PTPRM: variants seen among roughly 807,000 people sequenced by gnomAD.
PTPRM encodes protein tyrosine phosphatase receptor type M, also known as receptor-type tyrosine-protein phosphatase mu.
PTPRM carries 47 observed loss-of-function variants against 186.7 expected under a neutral mutation model. The ratio of observed to expected loss-of-function variants is 0.25; its 90% CI spans 0.20 to 0.32. The LOEUF (loss-of-function observed/expected upper bound fraction) is 0.32, where lower values mean the gene tolerates loss of function less well. Ranked by LOEUF, PTPRM falls within the 10% of genes least tolerant of loss-of-function variation. PTPRM has a pLI of 1.00. For synonymous variants in PTPRM, 668 were observed against 674.9 expected, an observed-to-expected ratio of 0.99 and a Z score of 0.16; for missense variants, 1,494 against 1,865.0, an observed-to-expected ratio of 0.80 and a Z score of 3.66.
chr18:8,076,218 G>A (rs2089801970), intron 8 of PTPRM, among the ~76,000 whole-genome samples: 1 of 151,802 alleles, frequency 6.6e-6, no homozygotes, highest in South Asian at 2.1e-4. Flanking sequence ...TTAATAGATG[G>A]GACTGAGCTC....
At chr18:8,197,550 T>G (rs1442608123) in intron 14 of PTPRM, among the ~76,000 whole-genome samples, 2 of 152,208 alleles carry the variant, frequency 1.3e-5, no homozygotes, top group Non-Finnish European at 2.9e-5. Context: ...AGGAGTAGGC[T>G]TTTCTGTTTA....
At chr18:8,313,253 T>C (rs2095283028) in intron 20 of PTPRM, among the ~76,000 whole-genome samples, 1 of 152,332 alleles carries the variant, frequency 6.6e-6, no homozygotes, top group African/African-American at 2.4e-5. Context: ...ACATTGGAAG[T>C]GAAGTTTTGC....
intron 22 of PTPRM, among the ~76,000 whole-genome samples, chr18:8,319,546 G>A (rs1278820352): frequency 1.3e-5 from 2 of 152,212 alleles, no homozygotes; most frequent in African/African-American, 4.8e-5. Flanking sequence ...AGGGAACTGT[G>A]CTGGTTGCTG....
chr18:7,886,367 G>T (rs567312542), intron 2 of PTPRM, among the ~76,000 whole-genome samples: 1 of 152,214 alleles, frequency 6.6e-6, no homozygotes, highest in East Asian at 1.9e-4. Context: ...TTCTTTCTCT[G>T]CCCCTCTTTC....
intron 14 of PTPRM, among the ~76,000 whole-genome samples, chr18:8,238,576 C>A (rs1054311690): frequency 6.8e-6 from 1 of 147,946 alleles, no homozygotes; most frequent in Admixed American, 6.9e-5. Flanking sequence ...AATTCCCACT[C>A]TGTTAATTCC....
rs1312766819 is a variant in PTPRM at position 7,924,990 on chromosome 18, C to T, written c.548-1578C>T. ...TAGCCAAGTACCCATAAGTGTTCCC[C>T]ATCTTGGAAATGGAGAAAATATCTC... is the stretch of plus-strand genomic sequence containing the variant. On this transcript the variant is annotated intron_variant, in intron 4 of 32. Transcript: ENST00000580170. Among the ~76,000 whole-genome samples, 8 of 152,114 alleles carry T rather than the reference C, an allele frequency of 5.3e-5. No individual in the cohort carries two copies. In the East Asian group the frequency reaches 1.5e-3, roughly 29 times the overall value.
intron 2 of PTPRM, among the ~76,000 whole-genome samples, chr18:7,875,603 C>T (rs1320410579): frequency 6.6e-6 from 1 of 152,088 alleles, no homozygotes; most frequent in African/African-American, 2.4e-5. Context: ...GGATTACCGG[C>T]GTGAGCCTCT....
intron 3 of PTPRM, among the ~76,000 whole-genome samples, chr18:7,905,552 G>A (rs1018358097): frequency 1.3e-5 from 2 of 152,270 alleles, no homozygotes; most frequent in Admixed American, 1.3e-4. Context: ...CTTTCCTGGT[G>A]TCTCTGTCCT....
At chr18:8,295,609 A>G (rs1459610513) in intron 19 of PTPRM, among the ~76,000 whole-genome samples, 1 of 152,212 alleles carries the variant, frequency 6.6e-6, no homozygotes, top group African/African-American at 2.4e-5. Flanking sequence ...AAATAGCTTT[A>G]CTGAATCCTG....
At chr18:8,231,010 C>T (rs963442686) in intron 14 of PTPRM, among the ~76,000 whole-genome samples, 2 of 152,170 alleles carry the variant, frequency 1.3e-5, no homozygotes, top group African/African-American at 4.8e-5. Context: ...TAAGCACACA[C>T]GTAATTGTAG....
chr18:8,295,168 G>A (rs1472774121), intron 19 of PTPRM, among the ~76,000 whole-genome samples: 1 of 152,182 alleles, frequency 6.6e-6, no homozygotes, highest in African/African-American at 2.4e-5. Context: ...GCAGCACACA[G>A]GCAGGCAGAG....
intron 7 of PTPRM, among the ~76,000 whole-genome samples, chr18:7,976,437 C>G (rs1173484185): frequency 6.6e-6 from 1 of 152,124 alleles, no homozygotes; most frequent in Non-Finnish European, 1.5e-5. Flanking sequence ...AGAGTGAATC[C>G]TGATATCAAT....
intron 14 of PTPRM, among the ~76,000 whole-genome samples, chr18:8,160,695 G>A (rs957057089): frequency 1.3e-5 from 2 of 152,116 alleles, no homozygotes; most frequent in African/African-American, 2.4e-5. Flanking sequence ...CTAGACTTCC[G>A]TCTTCAGTGG....
intron 14 of PTPRM, among the ~76,000 whole-genome samples, chr18:8,210,255 GA>G: frequency 6.6e-6 from 1 of 152,224 alleles, no homozygotes; most frequent in Non-Finnish European, 1.5e-5. Flanking sequence ...AGTTTGCCAT[GA>G]GCAGAGATTG....
intron 1 of PTPRM, among the ~76,000 whole-genome samples, chr18:7,649,972 TA>T (rs2038658686): frequency 6.6e-6 from 1 of 152,172 alleles, no homozygotes; most frequent in Non-Finnish European, 1.5e-5. Flanking sequence ...ACATACTTAA[TA>T]AAATACAGTA....
chr18:7,895,613 G>A (rs1242046358), intron 3 of PTPRM, among the ~76,000 whole-genome samples: 1 of 152,180 alleles, frequency 6.6e-6, no homozygotes, highest in Non-Finnish European at 1.5e-5. Flanking sequence ...GGACCGCTGT[G>A]TTGGGCTCTT....
chr18:7,715,556 G>T (rs1168501925), intron 1 of PTPRM, among the ~76,000 whole-genome samples: 1 of 152,170 alleles, frequency 6.6e-6, no homozygotes, highest in Admixed American at 6.5e-5. Context: ...AGGAAGAGAA[G>T]AAGTCAAATT....
intron 1 of PTPRM, among the ~76,000 whole-genome samples, chr18:7,600,497 C>T (rs1395072687): frequency 6.6e-6 from 1 of 152,214 alleles, no homozygotes; most frequent in Non-Finnish European, 1.5e-5. Context: ...AAATGCATTT[C>T]CTGACTTCAG....
rs192786366 is a variant in PTPRM at position 7,707,742 on chromosome 18, G to T, written c.74-66407G>T. On this transcript the variant is annotated intron_variant, in intron 1 of 32. Coordinates refer to ENST00000580170, the MANE Select transcript of PTPRM (RefSeq NM_001105244.2). ...GAGTTTAGGGAGAGAAGCAGATAGA[G>T]TGGGATTAATACTTGATGGGGAAGC... is the stretch of plus-strand genomic sequence containing the variant. 9.9e-3 allele frequency among the ~76,000 whole-genome samples: 1,502 copies of T among 152,296 alleles called. 7 individuals are homozygous for T. Among genetic ancestry groups the T allele is most frequent in the Non-Finnish European group, 0.016 (1,098 of 68,024 alleles).
Sources: allele counts gnomAD v4.1 joint callset (sites outside exome capture counted in the v4.1 genomes callset), GRCh38; gene constraint gnomAD v4.1.1; transcripts MANE v1.5; gene names NCBI Gene and HGNC (gene_info 2026-07-23, HGNC 2026-07-21).